STIM1: variants seen among roughly 807,000 people sequenced by gnomAD.
The protein encoded by STIM1 is stromal interaction molecule 1.
A neutral mutation model predicts 74.7 loss-of-function variants in STIM1; 25 were observed. The observed-to-expected ratio is 0.33, with a 90% CI of 0.24 to 0.47. STIM1 has a LOEUF of 0.47. Ranked by LOEUF, STIM1 falls within the 20% of genes least tolerant of loss-of-function variation. The pLI, the probability that STIM1 is intolerant of heterozygous loss-of-function variation, is 1.00. For synonymous variants in STIM1, 328 were observed against 348.8 expected, an observed-to-expected ratio of 0.94 and a Z score of 0.66; for missense variants, 728 against 920.8, an observed-to-expected ratio of 0.79 and a Z score of 2.71.
At chr11:4,072,720 C>T (rs7933164) in intron 6 of STIM1, among the ~76,000 whole-genome samples, 103,783 of 152,158 alleles carry the variant, frequency 0.68, 40,644 homozygotes, top group South Asian at 0.9. Flanking sequence ...CAAGAGGCTG[C>T]TTTCATAAAA....
At chr11:4,003,302 C>T (rs2135920529) in intron 2 of STIM1, among the ~76,000 whole-genome samples, 1 of 150,364 alleles carries the variant, frequency 6.7e-6, no homozygotes, top group South Asian at 2.1e-4. Flanking sequence ...GAATTTTAGA[C>T]CAATATCCTT....
At chr11:3,963,467 A>G (rs2093309693) in intron 1 of STIM1, among the ~76,000 whole-genome samples, 2 of 152,206 alleles carry the variant, frequency 1.3e-5, no homozygotes, top group African/African-American at 4.8e-5. Context: ...TATGGTAAAT[A>G]TTAAACAGTT....
chr11:4,001,147 G>C (rs542392930), intron 2 of STIM1, among the ~76,000 whole-genome samples: 5 of 152,270 alleles, frequency 3.3e-5, no homozygotes, highest in East Asian at 1.9e-4. Context: ...ATGGAACCAA[G>C]TTGGAAAACA....
chr11:4,058,957 T>G, intron 4 of STIM1: 2 of 1,141,230 alleles, frequency 1.8e-6, no homozygotes, highest in Non-Finnish European at 2.2e-6. Flanking sequence ...GTGGGGAAAA[T>G]ATGTAGAGGA....
At position 4,060,212 on chromosome 11, in the gene STIM1, G is replaced by A. The variant is rs370707644; in HGVS notation, c.613+816G>A. Among the ~76,000 whole-genome samples the A allele has an allele frequency of 1.2e-4, 19 of 152,274 alleles. No homozygotes were observed. In the South Asian group the frequency reaches 2.3e-3, roughly 18 times the overall value. ...CCTGTAATCCTTTTTCTAATTCTAA[G>A]TTAACCAAGGGGGAGCAAAAAGTAG... On this transcript the variant is annotated intron_variant, in intron 5 of 12. Transcript: ENST00000526596.
chr11:3,925,591 T>C (rs547463145), intron 1 of STIM1, among the ~76,000 whole-genome samples: 3 of 152,372 alleles, frequency 2.0e-5, no homozygotes, highest in African/African-American at 7.2e-5. Context: ...AGAAAAATTA[T>C]AAAAGTTTAT....
chr11:3,947,100 G>GTTT (rs57701004), intron 1 of STIM1, among the ~76,000 whole-genome samples: 30 of 139,340 alleles, frequency 2.2e-4, no homozygotes, highest in South Asian at 1.1e-3. Flanking sequence ...CATTCTTAGT[G>GTTT]TTTTTTTTTT....
chr11:4,019,690 G>A (rs1212376204), intron 2 of STIM1, among the ~76,000 whole-genome samples: 2 of 152,130 alleles, frequency 1.3e-5, no homozygotes, highest in Non-Finnish European at 2.9e-5. Flanking sequence ...CATATTTATA[G>A]GATACAGTGT....
Position 4,074,576 on chromosome 11 carries a change from AGATCAACCTTGCTAAGCAG to A in STIM1, c.869_887del (p.Ile290LysfsTer5), listed in dbSNP as rs751733169. 2 of 1,614,070 alleles carry A rather than the reference AGATCAACCTTGCTAAGCAG, an allele frequency of 1.2e-6. No homozygotes were observed. Among genetic ancestry groups the A allele is most frequent in the Non-Finnish European group, 1.7e-6 (2 of 1,179,994 alleles). On this transcript the variant is annotated frameshift_variant, in exon 7 of 13. Coordinates refer to ENST00000526596, the MANE Select transcript of STIM1 (RefSeq NM_001382567.1). LOFTEE classifies it high-confidence loss of function. ...CATCTGGAAAAGAAGCTGCGCGATG[AGATCAACCTTGCTAAGCAG>A]GAAGCCCAGCGGCTGAAGGAGCTGC...
chr11:3,979,016 C>T (rs984375707), intron 2 of STIM1, among the ~76,000 whole-genome samples: 4 of 152,118 alleles, frequency 2.6e-5, no homozygotes, highest in African/African-American at 9.7e-5. Context: ...GAGCTAAACT[C>T]TGAGGGGAGC....
At chr11:3,924,384 G>T (rs1369664652) in intron 1 of STIM1, among the ~76,000 whole-genome samples, 2 of 151,960 alleles carry the variant, frequency 1.3e-5, no homozygotes, top group African/African-American at 4.8e-5. Context: ...ATTTTTAGCA[G>T]AGGCGGGGTT....
chr11:3,864,184 A>G (rs897929782), intron 1 of STIM1, among the ~76,000 whole-genome samples: 1 of 152,342 alleles, frequency 6.6e-6, no homozygotes, highest in Middle Eastern at 3.4e-3. Flanking sequence ...CTTATTGAGT[A>G]TAACCACCTC....
At chr11:3,864,437 G>A (rs1321433417) in intron 1 of STIM1, among the ~76,000 whole-genome samples, 4 of 152,178 alleles carry the variant, frequency 2.6e-5, no homozygotes, top group Non-Finnish European at 5.9e-5. Flanking sequence ...CTATTTGGGG[G>A]GAGAGTGTTT....
chr11:4,048,506 G>A (rs1327728221), intron 3 of STIM1, among the ~76,000 whole-genome samples: 2 of 151,926 alleles, frequency 1.3e-5, no homozygotes, highest in Non-Finnish European at 2.9e-5. Flanking sequence ...TATCTGTATT[G>A]CTGGGTACCA....
intron 1 of STIM1, among the ~76,000 whole-genome samples, chr11:3,897,745 A>G (rs2092230267): frequency 6.6e-6 from 1 of 151,306 alleles, no homozygotes; most frequent in African/African-American, 2.4e-5. Context: ...ATTCCCACCT[A>G]TGAGTGAGAA....
intron 3 of STIM1, among the ~76,000 whole-genome samples, chr11:4,054,004 C>A (rs1242166443): frequency 1.3e-5 from 2 of 152,172 alleles, no homozygotes; most frequent in Admixed American, 1.3e-4. Context: ...AGGCACTAGC[C>A]ACATCTAGCT....
chr11:3,864,187 A>T (rs1461269716), intron 1 of STIM1, among the ~76,000 whole-genome samples: 1 of 152,180 alleles, frequency 6.6e-6, no homozygotes, highest in Non-Finnish European at 1.5e-5. Context: ...ATTGAGTATA[A>T]CCACCTCCCT....
intron 1 of STIM1, among the ~76,000 whole-genome samples, chr11:3,932,344 G>T (rs1161764961): frequency 6.6e-6 from 1 of 152,196 alleles, no homozygotes; most frequent in African/African-American, 2.4e-5. Flanking sequence ...GAGCCCTCTT[G>T]AATGGAATTA....
chr11:3,918,163 T>A (rs1361060202), intron 1 of STIM1, among the ~76,000 whole-genome samples: 5 of 152,124 alleles, frequency 3.3e-5, no homozygotes, highest in Non-Finnish European at 5.9e-5. Context: ...AGGCAGGCTT[T>A]CTCCCATGTA....
Sources: gnomAD v4.1 joint callset for allele counts (sites outside exome capture counted in the v4.1 genomes callset) on GRCh38, gnomAD v4.1.1 for gene constraint, MANE v1.5 for transcripts, NCBI Gene and HGNC (gene_info 2026-07-23, HGNC 2026-07-21) for gene names.